SPPL3: variants seen among roughly 807,000 people sequenced by gnomAD.
The protein encoded by SPPL3 is signal peptide peptidase-like 3.
Under a neutral mutation model 42.4 loss-of-function variants are expected in SPPL3, and 5 were observed. That is an observed-to-expected ratio of 0.12 (90% CI 0.06 to 0.25). SPPL3 has a LOEUF of 0.25. SPPL3 is among the 10% of genes least tolerant of loss of function. The pLI, the probability that SPPL3 is intolerant of heterozygous loss-of-function variation, is 1.00. For missense variants in SPPL3, 235 were observed against 489.0 expected (o/e 0.48, Z 4.90); for synonymous variants, 195 against 181.8 (o/e 1.07, Z -0.58).
At chr12:120,785,990 T>A (rs7960336) in intron 3 of SPPL3, among the ~76,000 whole-genome samples, 12,912 of 149,382 alleles carry the variant, frequency 0.086, 1,613 homozygotes, top group African/African-American at 0.28. Context: ...AGGATAAACA[T>A]AGCAAGACAC....
At chr12:120,776,674 G>A (rs749704087) in intron 6 of SPPL3, among the ~76,000 whole-genome samples, 13 of 152,064 alleles carry the variant, frequency 8.5e-5, no homozygotes. Flanking sequence ...AGACCACACT[G>A]CTTATTGTTT....
intron 3 of SPPL3, among the ~76,000 whole-genome samples, chr12:120,785,300 TA>T (rs567289596): frequency 9.0e-4 from 137 of 151,900 alleles, no homozygotes; most frequent in African/African-American, 3.3e-3. Context: ...GGTACCAGAA[TA>T]GGAGATGAAT....
At position 120,833,539 on chromosome 12, in the gene SPPL3, C is replaced by T. The variant is rs1359293030; in HGVS notation, c.24-22653G>A. ...GAGGATGGTAGTAGGTTAATAAAAA[C>T]ATGAAACAAGCCAGGCGCAGTGGCT... On this transcript the variant is annotated intron_variant, in intron 1 of 10. Coordinates refer to ENST00000353487, the MANE Select transcript of SPPL3 (RefSeq NM_139015.5). Among the ~76,000 whole-genome samples, 12 of 151,656 alleles carry T rather than the reference C, an allele frequency of 7.9e-5. No homozygotes were observed. In the East Asian group the frequency reaches 2.3e-3, roughly 29 times the overall value.
At chr12:120,793,039 G>C (rs182277019) in intron 2 of SPPL3, among the ~76,000 whole-genome samples, 1 of 152,144 alleles carries the variant, frequency 6.6e-6, no homozygotes, top group Non-Finnish European at 1.5e-5. Flanking sequence ...TCTGATAAGG[G>C]ACTTGTGTCT....
At chr12:120,789,886 C>A (rs912493167) in intron 3 of SPPL3, among the ~76,000 whole-genome samples, 1 of 143,432 alleles carries the variant, frequency 7.0e-6, no homozygotes, top group Non-Finnish European at 1.5e-5. Context: ...TTCCACTGTA[C>A]GGACTGGCAC....
At chr12:120,877,381 A>T (rs1035349049) in intron 1 of SPPL3, among the ~76,000 whole-genome samples, 9 of 151,560 alleles carry the variant, frequency 5.9e-5, no homozygotes, top group Admixed American at 3.3e-4. Context: ...CATTACCCTG[A>T]TACCAAAACT....
At chr12:120,826,590 T>C (rs1317737329) in intron 1 of SPPL3, among the ~76,000 whole-genome samples, 3 of 152,098 alleles carry the variant, frequency 2.0e-5, no homozygotes, top group Non-Finnish European at 2.9e-5. Flanking sequence ...GCCTAGTAAG[T>C]GATAAGAGTC....
chr12:120,782,263 C>T lies in SPPL3; in HGVS notation c.502+392G>A, dbSNP rs1230713442. On this transcript the variant is annotated intron_variant, in intron 6 of 10. Coordinates refer to ENST00000353487, the MANE Select transcript of SPPL3 (RefSeq NM_139015.5). ...TAATAGCCTAAAAAGTGGAAACAACCGGTAAACGAATAAATAAAATTAGTG... is the reference window on the plus strand; with the variant it reads ...TAATAGCCTAAAAAGTGGAAACAACTGGTAAACGAATAAATAAAATTAGTG... Among the ~76,000 whole-genome samples the T allele has an allele frequency of 4.6e-5, 7 of 152,150 alleles. No individual in the cohort carries two copies. The East Asian group carries it at 5.8e-4, about 13-fold the overall frequency.
chr12:120,900,629 G>T (rs754958465), intron 1 of SPPL3, among the ~76,000 whole-genome samples: 1 of 148,354 alleles, frequency 6.7e-6, no homozygotes, highest in South Asian at 2.1e-4. Flanking sequence ...ATCAATTGCC[G>T]GGTGTGGTGG....
At chr12:120,795,840 C>T (rs1870078835) in intron 2 of SPPL3, among the ~76,000 whole-genome samples, 1 of 152,174 alleles carries the variant, frequency 6.6e-6, no homozygotes, top group Non-Finnish European at 1.5e-5. Flanking sequence ...CTCCATTACC[C>T]ATACAGTAGG....
At chr12:120,831,992 C>A (rs1871441411) in intron 1 of SPPL3, among the ~76,000 whole-genome samples, 1 of 152,186 alleles carries the variant, frequency 6.6e-6, no homozygotes. Flanking sequence ...CAGCACAGTT[C>A]AAAATATAAA....
chr12:120,796,318 G>A (rs1870096547), intron 2 of SPPL3, among the ~76,000 whole-genome samples: 1 of 152,198 alleles, frequency 6.6e-6, no homozygotes, highest in South Asian at 2.1e-4. Context: ...AGAGGTTGCA[G>A]TGAGCTGAGA....
chr12:120,890,878 G>A (rs952065531), intron 1 of SPPL3, among the ~76,000 whole-genome samples: 3 of 152,154 alleles, frequency 2.0e-5, no homozygotes, highest in Non-Finnish European at 2.9e-5. Flanking sequence ...CTGTGAAGCC[G>A]AAACCCGATG....
intron 1 of SPPL3, among the ~76,000 whole-genome samples, chr12:120,871,763 TA>T (rs34292738): frequency 6.6e-5 from 10 of 150,386 alleles, no homozygotes; most frequent in East Asian, 1.9e-4. Context: ...CAGGGAGGGA[TA>T]AAAAAAAAGG....
chr12:120,866,412 T>C (rs1463883458), intron 1 of SPPL3, among the ~76,000 whole-genome samples: 3 of 152,178 alleles, frequency 2.0e-5, no homozygotes, highest in African/African-American at 7.2e-5. Flanking sequence ...GGTTGGGACA[T>C]ATACCTCTAG....
At chr12:120,875,049 T>G (rs1873041714) in intron 1 of SPPL3, among the ~76,000 whole-genome samples, 1 of 152,154 alleles carries the variant, frequency 6.6e-6, no homozygotes, top group Non-Finnish European at 1.5e-5. Context: ...CAGCATCAAC[T>G]GCTTAACATG....
In SPPL3 at chr12:120,784,584, G is replaced by A; in HGVS notation, c.200C>T (p.Thr67Ile). The change falls in exon 4 of 11, where the codon ACA (threonine) becomes ATA (isoleucine). Residue 67 changes from threonine (T) to isoleucine (I), a missense_variant. Transcript: ENST00000353487. The part of the protein sequence containing the change: ...NGNSTNNSIQ[T>I]IDSTQALFLP... ...GAACAGAGCCTGGGTAGAGTCAATT[G>A]TTTGGATGCCTGAAAGAGAAAAACA... 6.2e-7 allele frequency: 1 copy of A among 1,605,734 alleles called. No homozygotes were observed. The highest frequency in any genetic ancestry group is 1.1e-5 in the South Asian group (1 of 89,312).
At chr12:120,765,289 AT>A (rs11290474) in intron 10 of SPPL3, among the ~76,000 whole-genome samples, 53,460 of 145,474 alleles carry the variant, frequency 0.37, 14,616 homozygotes, top group African/African-American at 0.77. Context: ...CCTTTCTGAT[AT>A]TTTTTTTTTT....
intron 6 of SPPL3, chr12:120,769,460 C>T (rs891429272): frequency 1.5e-4 from 25 of 166,016 alleles, no homozygotes; most frequent in Middle Eastern, 3.0e-3. Context: ...TCATTAACTG[C>T]GTTATAGAAA....
Sources: gnomAD v4.1 joint callset for allele counts (sites outside exome capture counted in the v4.1 genomes callset) on GRCh38, gnomAD v4.1.1 for gene constraint, MANE v1.5 for transcripts, NCBI Gene and HGNC (gene_info 2026-07-23, HGNC 2026-07-21) for gene names.